Variants in GALNT9 observed in about 807,000 individuals in gnomAD.
GALNT9 encodes polypeptide N-acetylgalactosaminyltransferase 9.
GALNT9 carries 47 observed loss-of-function variants against 63.1 expected under a neutral mutation model. The observed-to-expected ratio is 0.75, with a 90% confidence interval of 0.59 to 0.95. The LOEUF is 0.95. GALNT9 is among the 40% of genes least tolerant of loss of function. The probability of loss-of-function intolerance (pLI) is 0.00; values close to 1 mark genes in which losing one functional copy is unlikely to be tolerated. For missense variants in GALNT9, 829 were observed against 874.8 expected (o/e 0.95, Z 0.66); for synonymous variants, 396 against 365.7 (o/e 1.08, Z -0.94).
intron 6 of GALNT9, among the ~76,000 whole-genome samples, chr12:132,211,624 C>T (rs1225068039): frequency 2.0e-5 from 3 of 152,178 alleles, no homozygotes; most frequent in Non-Finnish European, 4.4e-5. Flanking sequence ...GTCCCTCATC[C>T]TCTGTCTCCA....
rs564564240 is a variant in GALNT9 at position 132,320,202 on chromosome 12, G to A, written c.238+8764C>T. On this transcript the variant is annotated intron_variant, in intron 1 of 10. Transcript: ENST00000328957. ...CTCCCCACAGCACATCCACACACGC[G>A]CTTGTTTTATTTTTATTTGTTGTTG... Among the ~76,000 whole-genome samples the A allele has an allele frequency of 1.3e-4, 17 of 135,464 alleles. 1 individual carries two copies. The South Asian group carries it at 4.7e-3, about 38-fold the overall frequency. 88.9% of individuals were successfully genotyped at this position (135,464 alleles called of 152,430 possible).
At chr12:132,207,321 C>T (rs540977857) in intron 6 of GALNT9, among the ~76,000 whole-genome samples, 2 of 152,346 alleles carry the variant, frequency 1.3e-5, no homozygotes, top group African/African-American at 2.4e-5. Context: ...CGAGGCCGGG[C>T]ACACAGTAGG....
At chr12:132,283,994 C>A (rs1427291357) in intron 2 of GALNT9, 1 of 152,236 alleles carries the variant, frequency 6.6e-6, no homozygotes, top group African/African-American at 2.4e-5. Flanking sequence ...CTCACTCCAG[C>A]AGTGGGGCTA....
chr12:132,296,539 G>A lies in GALNT9; in HGVS notation c.239-10109C>T, dbSNP rs776821422. On this transcript the variant is annotated intron_variant, in intron 1 of 10. Coordinates refer to ENST00000328957, the MANE Select transcript of GALNT9 (RefSeq NM_001122636.2). This position sits in a 1 kb window ranked among gnomAD's most constrained non-coding sequence, Gnocchi z 4.2. The stretch of plus-strand genomic sequence containing the variant: ...ATCCTTGAATAAGATGTAATTTTGA[G>A]AATAATGGGAAATTTGCATCTATTA... Among the ~76,000 whole-genome samples the A allele has an allele frequency of 3.9e-5, 6 of 152,184 alleles. No individual in the cohort carries two copies. Among genetic ancestry groups the A allele is most frequent in the Non-Finnish European group, 8.8e-5 (6 of 68,030 alleles).
rs1191892675 is a variant in GALNT9, at chr12:132,198,560, C to T, written c.1498-601G>A. Among the ~76,000 whole-genome samples, 3 of 152,106 alleles carry T rather than the reference C, an allele frequency of 2.0e-5. No individual in the cohort carries two copies. The East Asian group carries it at 5.8e-4, about 29-fold the overall frequency. ...AGCCAATGCTTCCCACACTTCGCTTCAATCACGCGACAGTCCTGAGCGGTA... is the reference window on the plus strand; with the variant it reads ...AGCCAATGCTTCCCACACTTCGCTTTAATCACGCGACAGTCCTGAGCGGTA... On this transcript the variant is annotated intron_variant, in intron 9 of 10. Coordinates refer to ENST00000328957, the MANE Select transcript of GALNT9 (RefSeq NM_001122636.2).
intron 6 of GALNT9, among the ~76,000 whole-genome samples, chr12:132,211,383 G>A (rs962534628): frequency 6.6e-6 from 1 of 152,174 alleles, no homozygotes; most frequent in Non-Finnish European, 1.5e-5. Context: ...TTTGAGCCTA[G>A]TTATAATGAT....
intron 6 of GALNT9, among the ~76,000 whole-genome samples, chr12:132,215,847 C>G (rs1877160615): frequency 6.6e-6 from 1 of 151,948 alleles, no homozygotes. Context: ...CTCCCTGACT[C>G]ACAGCAGGGG....
chr12:132,230,981 CGAT>C (rs1304553273), intron 6 of GALNT9, among the ~76,000 whole-genome samples: 2 of 151,888 alleles, frequency 1.3e-5, no homozygotes, highest in African/African-American at 4.8e-5. Flanking sequence ...GCCACACACT[CGAT>C]GGAGTGACAG....
rs1371284707 is a variant in GALNT9, at chr12:132,329,500, C to A, written c.-297G>T. Among the ~76,000 whole-genome samples, 1 of 147,094 alleles carries A rather than the reference C, an allele frequency of 6.8e-6. No homozygotes were observed. The highest frequency in any genetic ancestry group is 1.5e-5 in the Non-Finnish European group (1 of 66,062). ...GAGGGGGGCCGGGGGCGCCGGGGGG[C>A]GGCGGGGAAGGCGCGGGCGGGCGGC... On this transcript the variant is annotated 5_prime_UTR_variant, in exon 1 of 11. Coordinates refer to ENST00000328957, the MANE Select transcript of GALNT9 (RefSeq NM_001122636.2).
Position 132,286,596 on chromosome 12 carries a change from C to A in GALNT9, c.239-166G>T. ...CCAGCTCAGGACATTCCAGAAAGTG[C>A]AAGGCTGTGCGCGGAGTGAGAGGGC... On this transcript the variant is annotated intron_variant, in intron 1 of 10. Coordinates refer to ENST00000328957, the MANE Select transcript of GALNT9 (RefSeq NM_001122636.2). The surrounding 1 kb of genome is among the most constrained non-coding windows in gnomAD (Gnocchi z 7.4). 8.4e-7 allele frequency: 1 copy of A among 1,195,070 alleles called. No homozygotes were observed. The highest frequency in any genetic ancestry group is 1.1e-6 in the Non-Finnish European group (1 of 883,188). The allele number at this position is 1,195,070 out of a possible 1,614,324, so 74.0% of individuals were successfully genotyped here. A position where few individuals can be genotyped will look rare whatever the true frequency, so the allele number is the denominator to read the frequency against.
Position 132,319,240 on chromosome 12 carries a change from G to C in GALNT9, c.238+9726C>G, listed in dbSNP as rs1431271517. ...TGCGAGATTTGAGTCTGAATCAGGG[G>C]GCTGAGGAAGAAAGGTCTGTCCTCC... On this transcript the variant is annotated intron_variant, in intron 1 of 10. Coordinates refer to ENST00000328957, the MANE Select transcript of GALNT9 (RefSeq NM_001122636.2). This position sits in a 1 kb window ranked among gnomAD's most constrained non-coding sequence, Gnocchi z 5.2. 6.6e-6 allele frequency among the ~76,000 whole-genome samples: 1 copy of C among 152,144 alleles called. No individual in the cohort carries two copies. The highest frequency in any genetic ancestry group is 6.5e-5 in the Admixed American group (1 of 15,286).
In GALNT9 at chr12:132,260,077, G is replaced by A. The variant is rs1263058950; in HGVS notation, c.761+871C>T. ...ACCCAGTGCACTATGGACCCCGTAGGTGCCCTCTGTGGGGCTGGCTTTGGG... is the reference window on the plus strand; with the variant it reads ...ACCCAGTGCACTATGGACCCCGTAGATGCCCTCTGTGGGGCTGGCTTTGGG... On this transcript the variant is annotated intron_variant, in intron 4 of 10. Transcript: ENST00000328957. Among the ~76,000 whole-genome samples, 7 of 104,902 alleles carry A rather than the reference G, an allele frequency of 6.7e-5. No individual in the cohort carries two copies. The Admixed American group carries it at 6.7e-4, about 10-fold the overall frequency. 68.8% of individuals were successfully genotyped at this position (104,902 alleles called of 152,430 possible).
chr12:132,266,756 C>T (rs782606927), intron 2 of GALNT9, among the ~76,000 whole-genome samples: 2 of 152,230 alleles, frequency 1.3e-5, no homozygotes, highest in Non-Finnish European at 2.9e-5. Context: ...CTTCTGCTCT[C>T]GGACTTGGGG....
chr12:132,290,979 A>G (rs1555242667), intron 1 of GALNT9, among the ~76,000 whole-genome samples: 1 of 48,608 alleles, frequency 2.1e-5, no homozygotes, highest in Non-Finnish European at 3.8e-5. Flanking sequence ...CAGCACCCAC[A>G]ACCACAGCAC....
At chr12:132,230,540 C>T (rs929792667) in intron 6 of GALNT9, among the ~76,000 whole-genome samples, 28 of 151,598 alleles carry the variant, frequency 1.8e-4, no homozygotes, top group Non-Finnish European at 2.5e-4. Flanking sequence ...GCTGCCTGGC[C>T]CTCGTGGCGG....
intron 7 of GALNT9, among the ~76,000 whole-genome samples, chr12:132,202,825 G>T (rs1467175908): frequency 6.6e-6 from 1 of 152,200 alleles, no homozygotes; most frequent in Non-Finnish European, 1.5e-5. Flanking sequence ...GGTTGTGGGG[G>T]TGGGGCGCTT....
intron 8 of GALNT9, 92 bp downstream of exon 8, chr12:132,201,032 G>A (rs1331520900): frequency 1.4e-5 from 18 of 1,256,328 alleles, no homozygotes; most frequent in Non-Finnish European, 2.0e-5. Context: ...GTGTGCATGT[G>A]GATGTGCCTG....
At chr12:132,287,619 C>T (rs1203313132) in intron 1 of GALNT9, among the ~76,000 whole-genome samples, 2 of 152,188 alleles carry the variant, frequency 1.3e-5, no homozygotes, top group Non-Finnish European at 2.9e-5. Flanking sequence ...GGAATCACAA[C>T]CCACCCCATG....
chr12:132,213,749 C>G (rs1877069068), intron 6 of GALNT9, among the ~76,000 whole-genome samples: 2 of 152,264 alleles, frequency 1.3e-5, no homozygotes. Context: ...ACTGTGGCCT[C>G]TGCATTCTCC....
Sources: gnomAD v4.1 joint callset for allele counts (sites outside exome capture counted in the v4.1 genomes callset) on GRCh38, gnomAD v4.1.1 for gene constraint, Gnocchi (gnomAD v3.1) non-coding constraint, MANE v1.5 for transcripts, NCBI Gene and HGNC (gene_info 2026-07-23, HGNC 2026-07-21) for gene names.